Variants in GRID2 observed in about 807,000 individuals in gnomAD.
The protein encoded by GRID2 is glutamate ionotropic receptor delta type subunit 2.
In GRID2, 33 loss-of-function variants were observed where a neutral mutation model predicts 114.8. The observed-to-expected ratio is 0.29, with a 90% CI of 0.22 to 0.38. GRID2 has a LOEUF of 0.38. GRID2 is among the 10% of genes least tolerant of loss of function. GRID2 has a pLI of 1.00. For synonymous variants in GRID2, 505 were observed against 449.9 expected (o/e 1.12, Z -1.55); for missense variants, 1,184 against 1,257.7 (o/e 0.94, Z 0.89).
At chr4:92,793,220 A>G (rs1232783052) in intron 2 of GRID2, among the ~76,000 whole-genome samples, 2 of 151,484 alleles carry the variant, frequency 1.3e-5, no homozygotes, top group African/African-American at 2.4e-5. Context: ...TTCACATCCT[A>G]TGGTTGTGTC....
chr4:93,106,400 G>A (rs1732235931), intron 3 of GRID2, among the ~76,000 whole-genome samples: 1 of 152,112 alleles, frequency 6.6e-6, no homozygotes, highest in African/African-American at 2.4e-5. Flanking sequence ...AGGCTGGAAT[G>A]CAGTGGTGCC....
intron 14 of GRID2, among the ~76,000 whole-genome samples, chr4:93,726,039 T>G (rs1194093644): frequency 6.6e-6 from 1 of 152,258 alleles, no homozygotes; most frequent in Non-Finnish European, 1.5e-5. Context: ...TTTTGGTGTT[T>G]TAGATATGAA....
At chr4:93,238,323 A>G in intron 7 of GRID2, 48 bp from the exon 8 acceptor site, 1 of 1,404,906 alleles carries the variant, frequency 7.1e-7, no homozygotes, top group South Asian at 1.3e-5. Flanking sequence ...TTATTTATTT[A>G]TTTTTTTACT....
chr4:93,605,814 G>A (rs1349722624), intron 13 of GRID2, among the ~76,000 whole-genome samples: 2 of 152,212 alleles, frequency 1.3e-5, no homozygotes, highest in South Asian at 2.1e-4. Context: ...ATAATGCAAT[G>A]TGCTAAAATG....
intron 1 of GRID2, among the ~76,000 whole-genome samples, chr4:92,522,469 T>A (rs559528143): frequency 6.6e-6 from 1 of 152,104 alleles, no homozygotes; most frequent in African/African-American, 2.4e-5. Flanking sequence ...GAGATCTGAC[T>A]TAGGCTTTAA....
intron 2 of GRID2, among the ~76,000 whole-genome samples, chr4:93,030,229 AT>A (rs1429723356): frequency 1.3e-5 from 2 of 151,910 alleles, no homozygotes; most frequent in African/African-American, 4.8e-5. Flanking sequence ...AGAAAACTGT[AT>A]TTTTTCCTTC....
chr4:93,787,990 T>A (rs1026954071), intron 1 of GRID2, among the ~76,000 whole-genome samples: 1 of 152,072 alleles, frequency 6.6e-6, no homozygotes, highest in African/African-American at 2.4e-5. Flanking sequence ...AGGTAAAATA[T>A]CCAGGTGGAC....
At chr4:92,323,765 A>C (rs752928643) in intron 1 of GRID2, among the ~76,000 whole-genome samples, 3 of 152,034 alleles carry the variant, frequency 2.0e-5, no homozygotes, top group Non-Finnish European at 4.4e-5. Flanking sequence ...TTTAGAAATT[A>C]CATGATCATA....
At chr4:92,391,724 G>C (rs1378888224) in intron 1 of GRID2, among the ~76,000 whole-genome samples, 1 of 152,104 alleles carries the variant, frequency 6.6e-6, no homozygotes, top group Non-Finnish European at 1.5e-5. Flanking sequence ...TACTCATTTT[G>C]ATCTTCTCAC....
intron 2 of GRID2, among the ~76,000 whole-genome samples, chr4:92,817,764 C>A (rs1353842021): frequency 6.6e-6 from 1 of 151,630 alleles, no homozygotes; most frequent in Non-Finnish European, 1.5e-5. Flanking sequence ...AACTCCTTGG[C>A]CCAAGTGATC....
chr4:93,562,198 T>C (rs1734991360), intron 13 of GRID2, among the ~76,000 whole-genome samples: 1 of 71,440 alleles, frequency 1.4e-5, no homozygotes, highest in African/African-American at 8.3e-5. Context: ...TTGTCAGAGT[T>C]TTTTTTTTTA....
intron 14 of GRID2, among the ~76,000 whole-genome samples, chr4:93,628,847 C>T (rs1742979844): frequency 6.6e-6 from 1 of 150,504 alleles, no homozygotes; most frequent in South Asian, 2.1e-4. Context: ...CTCACTGCAA[C>T]CTCCCCATCC....
chr4:92,315,993 C>CAAAAAAAAAAAAAAAAAAAAAAAGA (rs778361565), intron 1 of GRID2, among the ~76,000 whole-genome samples: 3 of 61,916 alleles, frequency 4.8e-5, no homozygotes, highest in East Asian at 5.0e-4. Flanking sequence ...AAACAAAAAG[C>CAAAAAAAAAAAAAAAAAAAAAAAGA]AAAAAAAAAA....
intron 4 of GRID2, among the ~76,000 whole-genome samples, chr4:93,165,568 C>T (rs999665827): frequency 1.3e-5 from 2 of 152,144 alleles, no homozygotes; most frequent in Admixed American, 6.6e-5. Context: ...CTTGGTGTGC[C>T]TGTTATGACT....
intron 2 of GRID2, among the ~76,000 whole-genome samples, chr4:92,916,645 A>G (rs571019675): frequency 6.9e-4 from 105 of 152,134 alleles, no homozygotes; most frequent in Non-Finnish European, 1.2e-3. Context: ...TTTGCTGAGA[A>G]TGCTGGTTTC....
intron 4 of GRID2, among the ~76,000 whole-genome samples, chr4:93,141,471 T>C (rs1296048414): frequency 1.3e-5 from 2 of 152,168 alleles, no homozygotes; most frequent in Non-Finnish European, 2.9e-5. Context: ...GCCTCTGAGA[T>C]ATCATCATGA....
At chr4:93,347,522 T>C (rs527599156) in intron 8 of GRID2, among the ~76,000 whole-genome samples, 1 of 152,276 alleles carries the variant, frequency 6.6e-6, no homozygotes. Flanking sequence ...TAAGTGGTAG[T>C]TGAGAAAAAA....
chr4:93,703,371 T>G (rs978980188), intron 14 of GRID2, among the ~76,000 whole-genome samples: 61 of 152,286 alleles, frequency 4.0e-4, no homozygotes, highest in Middle Eastern at 3.4e-3. Flanking sequence ...ATCTATCACC[T>G]CAAGCATCTA....
intron 6 of GRID2, among the ~76,000 whole-genome samples, chr4:93,221,319 A>G (rs1433099045): frequency 6.6e-6 from 1 of 152,166 alleles, no homozygotes. Context: ...GATGAAAACT[A>G]AAAGAAAGAT....
Sources: allele counts gnomAD v4.1 joint callset (sites outside exome capture counted in the v4.1 genomes callset), GRCh38; gene constraint gnomAD v4.1.1; transcripts MANE v1.5; gene names NCBI Gene and HGNC (gene_info 2026-07-23, HGNC 2026-07-21).